Variants in MACF1 observed in about 807,000 individuals in gnomAD.
MACF1 encodes microtubule-actin cross-linking factor 1.
Under a neutral mutation model 854.8 loss-of-function variants are expected in MACF1, and 193 were observed. That is an observed-to-expected ratio of 0.23 (90% CI 0.20 to 0.25). The LOEUF (loss-of-function observed/expected upper bound fraction) is 0.25. Among genes scored for constraint, MACF1 ranks in the 10% least tolerant of loss-of-function variants. The pLI is 1.00. For missense variants in MACF1, 7,722 were observed against 8,929.1 expected, an observed-to-expected ratio of 0.86 and a Z score of 5.45; for synonymous variants, 3,185 against 3,226.7, an observed-to-expected ratio of 0.99 and a Z score of 0.44.
In MACF1 at chr1:39,385,598, C is replaced by T; in HGVS notation, c.14013C>T (p.Leu4671=). The T allele has an allele frequency of 6.2e-7, 1 of 1,614,156 alleles. No individual in the cohort carries two copies. The highest frequency in any genetic ancestry group is 8.5e-7 in the Non-Finnish European group (1 of 1,180,040). Residue 4671 remains leucine, a synonymous_variant, in exon 57 of 101, where the codon CTC becomes CTT. Coordinates refer to ENST00000564288, the MANE Select transcript of MACF1 (RefSeq NM_001394062.1). Reference sequence around the variant, plus strand: ...AATGGGTTGAGCTGACTGACAAACTCAACTCCCGTTCCAGCCAAATTGACC... The same window carrying T: ...AATGGGTTGAGCTGACTGACAAACTTAACTCCCGTTCCAGCCAAATTGACC... ...NQKWVELTDK[L]NSRSSQIDQA...
chr1:39,122,717 G>C (rs537939397), intron 2 of MACF1, among the ~76,000 whole-genome samples: 1 of 152,194 alleles, frequency 6.6e-6, no homozygotes, highest in African/African-American at 2.4e-5. Context: ...GAGTGGGGGT[G>C]GGGAAAGGTC....
intron 2 of MACF1, among the ~76,000 whole-genome samples, chr1:39,191,048 A>G (rs1297101103): frequency 1.3e-5 from 2 of 152,116 alleles, no homozygotes; most frequent in African/African-American, 2.4e-5. Context: ...TAAGCTGGAT[A>G]ATAGTTTTCT....
intron 89 of MACF1, chr1:39,458,027 TAGC>T: frequency 5.5e-6 from 1 of 180,850 alleles, no homozygotes; most frequent in Non-Finnish European, 1.2e-5. Flanking sequence ...GAGGAGGAGA[TAGC>T]AGGCTCCTTT....
rs1378554170 is a variant in MACF1, at chr1:39,331,922, A to G, written c.5334A>G (p.Pro1778=). The change falls in exon 37 of 101, where the codon CCA becomes CCG. Residue 1778 remains proline (P), a synonymous_variant. Transcript: ENST00000564288. ...AQLFAGGIVD[P]RTGHRLTVEE... ...TTTTTGCTGGTGGCATAGTAGATCC[A>G]AGAACAGGACACAGACTTACAGTGG... 1 of 1,614,072 alleles carries G rather than the reference A, an allele frequency of 6.2e-7. No individual in the cohort carries two copies. Among genetic ancestry groups the G allele is most frequent in the Non-Finnish European group, 8.5e-7 (1 of 1,180,034 alleles).
intron 89 of MACF1, 74 bp downstream of exon 89, chr1:39,455,171 A>T (rs184707676): frequency 3.5e-5 from 51 of 1,443,590 alleles, no homozygotes; most frequent in East Asian, 2.3e-4. Flanking sequence ...TGCCCTGTGT[A>T]TATGTTTTTA....
At chr1:39,174,833 T>C (rs1443723247) in intron 2 of MACF1, among the ~76,000 whole-genome samples, 1 of 152,188 alleles carries the variant, frequency 6.6e-6, no homozygotes, top group Non-Finnish European at 1.5e-5. Context: ...GGGGAAACCC[T>C]CAGGGCTGGG....
intron 2 of MACF1, among the ~76,000 whole-genome samples, chr1:39,244,343 G>A (rs1055271433): frequency 1.3e-5 from 2 of 151,924 alleles, no homozygotes; most frequent in Admixed American, 6.6e-5. Flanking sequence ...GTGCAGTGTC[G>A]TGATCTCGGT....
chr1:39,393,196 A>AAAAAAAAAAAAAAATATATATATATAT (rs57576149), intron 58 of MACF1, among the ~76,000 whole-genome samples: 8 of 66,548 alleles, frequency 1.2e-4, no homozygotes, highest in Admixed American at 6.5e-4. Flanking sequence ...AAAAAAAAAA[A>AAAAAAAAAAAAAAATATATATATATAT]ATATATATAT....
intron 2 of MACF1, among the ~76,000 whole-genome samples, chr1:39,178,570 C>T (rs897536259): frequency 2.0e-5 from 3 of 152,132 alleles, no homozygotes; most frequent in Admixed American, 6.5e-5. Context: ...TTAAGGCATG[C>T]GGGTCACTGA....
intron 2 of MACF1, among the ~76,000 whole-genome samples, chr1:39,099,008 G>T (rs1053007162): frequency 6.6e-6 from 1 of 152,196 alleles, no homozygotes; most frequent in African/African-American, 2.4e-5. Flanking sequence ...CCAAGAGCTG[G>T]TCAAAGGATA....
intron 21 of MACF1, 39 bp downstream of exon 21, chr1:39,297,784 A>G (rs1348414937): frequency 1.9e-6 from 3 of 1,610,900 alleles, no homozygotes; most frequent in African/African-American, 2.7e-5. Flanking sequence ...CTTCTGAGAA[A>G]GAGAGTAAAC....
upstream of MACF1, among the ~76,000 whole-genome samples, chr1:39,201,955 C>CTTTTTTTT (rs748333630): frequency 3.8e-5 from 2 of 52,310 alleles, no homozygotes; most frequent in African/African-American, 1.7e-4. Context: ...TGCTCATATT[C>CTTTTTTTT]TTTTTTTTTT....
rs1448734773 is a variant in MACF1, at chr1:39,409,137, C to A, written c.15817-13237C>A. Among the ~76,000 whole-genome samples, 1 of 152,060 alleles carries A rather than the reference C, an allele frequency of 6.6e-6. No individual in the cohort carries two copies. Among genetic ancestry groups the A allele is most frequent in the Non-Finnish European group, 1.5e-5 (1 of 67,988 alleles). On this transcript the variant is annotated intron_variant, in intron 58 of 100. Coordinates refer to ENST00000564288, the MANE Select transcript of MACF1 (RefSeq NM_001394062.1). This position sits in a 1 kb window ranked among gnomAD's most constrained non-coding sequence, Gnocchi z 4.2. ...GCGCGGGGGAGGAGGACTCGCCCCC[C>A]GCCCGACCCTAGCGGAGCCTTTTGT...
intron 2 of MACF1, among the ~76,000 whole-genome samples, chr1:39,094,675 G>A (rs1364805990): frequency 2.0e-5 from 3 of 151,296 alleles, no homozygotes; most frequent in African/African-American, 7.3e-5. Flanking sequence ...CTGAGATCGC[G>A]CCATTGCACT....
intron 38 of MACF1, among the ~76,000 whole-genome samples, chr1:39,337,562 A>ATTTTTTTTTTTT (rs35312351): frequency 2.0e-5 from 2 of 100,154 alleles, no homozygotes; most frequent in South Asian, 3.6e-4. Flanking sequence ...AATTACTACC[A>ATTTTTTTTTTTT]TTTTTTTTTT....
intron 21 of MACF1, among the ~76,000 whole-genome samples, chr1:39,299,092 T>C (rs900987395): frequency 1.3e-5 from 2 of 152,140 alleles, no homozygotes; most frequent in African/African-American, 2.4e-5. Context: ...GCTGTTTGGC[T>C]GTGGGTTAGA....
At chr1:39,114,186 T>C (rs1422035758) in intron 2 of MACF1, among the ~76,000 whole-genome samples, 1 of 151,362 alleles carries the variant, frequency 6.6e-6, no homozygotes, top group African/African-American at 2.4e-5. Context: ...TTTACTGTTT[T>C]TTTTTTTTTT....
At chr1:39,236,765 G>A (rs1408880788) in intron 2 of MACF1, among the ~76,000 whole-genome samples, 1 of 152,060 alleles carries the variant, frequency 6.6e-6, no homozygotes, top group African/African-American at 2.4e-5. Flanking sequence ...GGGTTCAAGC[G>A]ACTCTCCTGC....
chr1:39,106,084 G>A (rs1471810968), intron 2 of MACF1, among the ~76,000 whole-genome samples: 1 of 152,152 alleles, frequency 6.6e-6, no homozygotes, highest in African/African-American at 2.4e-5. Flanking sequence ...TGCTCTGGGT[G>A]CGAGCTTCCT....
Sources: allele counts gnomAD v4.1 joint callset (sites outside exome capture counted in the v4.1 genomes callset), GRCh38; gene constraint gnomAD v4.1.1; non-coding constraint Gnocchi (gnomAD v3.1); transcripts MANE v1.5; gene names NCBI Gene and HGNC (gene_info 2026-07-23, HGNC 2026-07-21).